Variants in DHRS4 observed in about 807,000 individuals in gnomAD.
DHRS4 encodes the protein dehydrogenase/reductase 4.
DHRS4 carries 20 observed loss-of-function variants against 28.4 expected under a neutral mutation model. That is an observed-to-expected ratio of 0.71 (90% confidence interval 0.50 to 1.02). The LOEUF is 1.02. Ranked by LOEUF, DHRS4 falls within the 50% of genes least tolerant of loss-of-function variation. DHRS4 has a pLI of 0.00. For missense variants in DHRS4, 378 were observed against 367.2 expected (o/e 1.03, Z -0.24); for synonymous variants, 144 against 146.4 (o/e 0.98, Z 0.12).
At chr14:23,965,878 G>A in intron 4 of DHRS4, 46 bp downstream of exon 4, 2 of 1,606,648 alleles carry the variant, frequency 1.2e-6, no homozygotes, top group Non-Finnish European at 1.7e-6. Context: ...ACACCACACG[G>A]GCTGAGGGCA....
chr14:23,954,042 A>C, intron 1 of DHRS4, 126 bp downstream of exon 1: 3 of 1,444,954 alleles, frequency 2.1e-6, no homozygotes, highest in South Asian at 2.7e-5. Flanking sequence ...CCCTGGAAAA[A>C]AGGTAGCCAC....
intron 7 of DHRS4, 145 bp downstream of exon 7, chr14:23,967,411 A>T: frequency 8.5e-7 from 1 of 1,181,782 alleles, no homozygotes; most frequent in South Asian, 1.3e-5. Context: ...CATAAACACT[A>T]TCACTACAGT....
intron 3 of DHRS4, among the ~76,000 whole-genome samples, chr14:23,965,308 C>G (rs1205836424): frequency 7.9e-6 from 1 of 126,580 alleles, no homozygotes; most frequent in Non-Finnish European, 1.6e-5. Flanking sequence ...CTCCCTAAGC[C>G]CAGAAGCCAG....
rs188957746 is a variant in DHRS4, at chr14:23,968,308, T to C, written c.723-449T>C. 5.0e-3 allele frequency among the ~76,000 whole-genome samples: 750 copies of C among 150,680 alleles called. 35 individuals carry two copies. The highest frequency in any genetic ancestry group is 0.018 in the African/African-American group (714 of 40,466). Reference sequence around the variant, plus strand: ...CACATTCTCACTAAATGAACCTGACTTTAAGGCACAAGTATAGATTCCTGA... The same window carrying C: ...CACATTCTCACTAAATGAACCTGACCTTAAGGCACAAGTATAGATTCCTGA... On this transcript the variant is annotated intron_variant, in intron 7 of 7. Coordinates refer to ENST00000313250, the MANE Select transcript of DHRS4 (RefSeq NM_021004.4).
In DHRS4 at chr14:23,959,911, C is replaced by A; in HGVS notation, c.316C>A (p.Leu106Ile). 6.2e-7 allele frequency: 1 copy of A among 1,613,000 alleles called. No homozygotes were observed. Among genetic ancestry groups the A allele is most frequent in the Non-Finnish European group, 8.5e-7 (1 of 1,179,908 alleles). ...TTACCCCTCTCTCTAGGCTGTGAAG[C>A]TTCATGGAGGTATCGATATCCTAGT... ...RERLVATAVKLHGGIDILVSN... is the reference protein window; with the variant it reads ...RERLVATAVKIHGGIDILVSN... Residue 106 changes from leucine (L) to isoleucine (I), a missense_variant, in exon 3 of 8, where the codon CTT (leucine) becomes ATT (isoleucine). Leu to Ile is a conservative substitution (Grantham distance 5, BLOSUM62 2). Coordinates refer to ENST00000313250, the MANE Select transcript of DHRS4 (RefSeq NM_021004.4).
chr14:23,961,826 CTT>C lies in DHRS4; in HGVS notation c.408+1825_408+1826del, dbSNP rs756725417. Reference sequence around the variant, plus strand: ...CCACACACAGCCAGATTCTGATAGTCTTTAAAATAGAGGAGCATCATTCATGA... The same window carrying C: ...CCACACACAGCCAGATTCTGATAGTCTAAAATAGAGGAGCATCATTCATGA... On this transcript the variant is annotated intron_variant, in intron 3 of 7. Coordinates refer to ENST00000313250, the MANE Select transcript of DHRS4 (RefSeq NM_021004.4). Among the ~76,000 whole-genome samples the C allele has an allele frequency of 1.5e-4, 22 of 144,592 alleles. 2 individuals carry two copies. Among genetic ancestry groups the C allele is most frequent in the Non-Finnish European group, 2.4e-4 (16 of 66,490 alleles). The allele number at this position is 144,592 out of a possible 152,430, so 94.9% of individuals were successfully genotyped here. A position where few individuals can be genotyped will look rare whatever the true frequency, so the allele number is the denominator to read the frequency against.
At chr14:23,964,283 T>G (rs76193867) in intron 3 of DHRS4, among the ~76,000 whole-genome samples, 37,459 of 124,818 alleles carry the variant, frequency 0.3, 5,788 homozygotes, top group East Asian at 0.46. Context: ...TAAGAAAATA[T>G]GTGTCTATAA....
Position 23,967,268 on chromosome 14 carries a change from T to G in DHRS4, c.722+2T>G. 6.2e-7 allele frequency: 1 copy of G among 1,610,308 alleles called. No homozygotes were observed. The highest frequency in any genetic ancestry group is 1.1e-5 in the South Asian group (1 of 90,312). On this transcript the variant is annotated splice_donor_variant, in intron 7 of 7. Coordinates refer to ENST00000313250, the MANE Select transcript of DHRS4 (RefSeq NM_021004.4). LOFTEE classifies it high-confidence loss of function. ...GAAAGAAACCCTGCGGATAAGAAGG[T>G]AAACTGTCATGAGGGCAAGGGCACT...
At chr14:23,958,875 C>G (rs561784820) in intron 2 of DHRS4, among the ~76,000 whole-genome samples, 35 of 151,826 alleles carry the variant, frequency 2.3e-4, no homozygotes, top group East Asian at 7.7e-4. Context: ...CCTGTTCTTA[C>G]CTAGCCCCAG....
chr14:23,956,192 A>C (rs929690295), intron 2 of DHRS4, among the ~76,000 whole-genome samples: 1 of 152,218 alleles, frequency 6.6e-6, no homozygotes, highest in Non-Finnish European at 1.5e-5. Context: ...GAGTCCAAAA[A>C]AGCTTGGCTT....
chr14:23,964,247 A>AAAAAAAAACAAAAAAC (rs2033532665), intron 3 of DHRS4, among the ~76,000 whole-genome samples: 3 of 129,754 alleles, frequency 2.3e-5, no homozygotes, highest in Admixed American at 7.8e-5. Context: ...AAAAAAAAAA[A>AAAAAAAAACAAAAAAC]AAAAAAACAC....
chr14:23,956,902 C>A (rs1335463844), intron 2 of DHRS4, among the ~76,000 whole-genome samples: 2 of 152,136 alleles, frequency 1.3e-5, no homozygotes, highest in Non-Finnish European at 2.9e-5. Flanking sequence ...TGTGCCCGGC[C>A]ATAGCTTCTT....
chr14:23,959,301 C>T (rs369328055), intron 2 of DHRS4, among the ~76,000 whole-genome samples: 29 of 152,240 alleles, frequency 1.9e-4, no homozygotes, highest in South Asian at 8.3e-4. Flanking sequence ...TGGTGGGTCG[C>T]GCCTGTAACA....
Position 23,962,788 on chromosome 14 carries a change from A to G in DHRS4, c.408+2785A>G, listed in dbSNP as rs574795360. On this transcript the variant is annotated intron_variant, in intron 3 of 7. Transcript: ENST00000313250. ...CATCCTTTACAGAAGGTTTTCAGTT[A>G]ACTTTGCCGAGATCCATCAGAGGAA... 3.6e-4 allele frequency among the ~76,000 whole-genome samples: 55 copies of G among 150,728 alleles called. 2 individuals are homozygous for G. Among genetic ancestry groups the G allele is most frequent in the African/African-American group, 1.3e-3 (53 of 40,020 alleles).
At chr14:23,964,538 A>T (rs1401723678) in intron 3 of DHRS4, among the ~76,000 whole-genome samples, 1 of 138,432 alleles carries the variant, frequency 7.2e-6, no homozygotes, top group Non-Finnish European at 1.5e-5. Context: ...GGGATAGAAC[A>T]TTGTACTATC....
chr14:23,967,465 G>A, intron 7 of DHRS4, 199 bp downstream of exon 7: 1 of 1,025,720 alleles, frequency 9.7e-7, no homozygotes. Context: ...GGTAAACACA[G>A]AGACATCGGG....
chr14:23,964,220 T>TAAAAAAAAAAAAAAAAAAAA (rs71119059), intron 3 of DHRS4, among the ~76,000 whole-genome samples: 1 of 34,500 alleles, frequency 2.9e-5, no homozygotes, highest in Admixed American at 3.9e-4. Flanking sequence ...CTGCAATTTG[T>TAAAAAAAAAAAAAAAAAAAA]AAAAAAAAAA....
intron 2 of DHRS4, among the ~76,000 whole-genome samples, chr14:23,958,990 G>T (rs942942592): frequency 6.6e-6 from 1 of 152,186 alleles, no homozygotes; most frequent in Admixed American, 6.5e-5. Context: ...CCCCTCCAGG[G>T]TAACTTTCTA....
intron 6 of DHRS4, 147 bp from the exon 7 acceptor site, chr14:23,967,064 A>C: frequency 1.2e-6 from 1 of 815,910 alleles, no homozygotes; most frequent in East Asian, 2.9e-5. Flanking sequence ...CTGAGGCAGG[A>C]GAATGGCATA....
Sources: gnomAD v4.1 joint callset for allele counts (sites outside exome capture counted in the v4.1 genomes callset) on GRCh38, gnomAD v4.1.1 for gene constraint, MANE v1.5 for transcripts, NCBI Gene and HGNC (gene_info 2026-07-23, HGNC 2026-07-21) for gene names.